The following BRCA1 variants were observed in gnomAD, a reference collection of about 807,000 sequenced individuals.
The protein encoded by BRCA1 is breast cancer type 1 susceptibility protein.
In BRCA1, 140 loss-of-function variants were observed where a neutral mutation model predicts 173.7. That is an observed-to-expected ratio of 0.81 (90% CI 0.70 to 0.93). The LOEUF (loss-of-function observed/expected upper bound fraction) is 0.93. Ranked by LOEUF, BRCA1 falls within the 40% of genes least tolerant of loss-of-function variation. BRCA1 has a pLI of 0.00. For synonymous variants in BRCA1, 662 were observed against 756.0 expected (o/e 0.88, Z 2.04); for missense variants, 1,983 against 2,172.5 (o/e 0.91, Z 1.73).
intron 1 of BRCA1, chr17:43,162,681 G>A (rs1298255357): frequency 6.6e-6 from 1 of 152,216 alleles, no homozygotes; most frequent in African/African-American, 2.4e-5. Context: ...AGGAAGGTCA[G>A]TTGAAGTCCT....
chr17:43,141,610 C>G (rs561498661), intron 1 of BRCA1, among the ~76,000 whole-genome samples: 2 of 151,592 alleles, frequency 1.3e-5, no homozygotes, highest in Non-Finnish European at 2.9e-5. Context: ...GTCAGGAGAT[C>G]GAGACCATCT....
intron 11 of BRCA1, among the ~76,000 whole-genome samples, chr17:43,085,144 C>T (rs2053177619): frequency 6.6e-6 from 1 of 152,164 alleles, no homozygotes; most frequent in South Asian, 2.1e-4. Context: ...GCTCTGATCT[C>T]TACTTTTAAT....
intron 1 of BRCA1, chr17:43,167,399 C>A (rs1037116964): frequency 1.3e-5 from 2 of 152,076 alleles, no homozygotes; most frequent in African/African-American, 4.8e-5. Context: ...AGGGGGTGCA[C>A]GTGAGAGGGT....
chr17:43,067,834 GA>G, intron 15 of BRCA1, 139 bp from the exon 16 acceptor site: 1 of 273,624 alleles, frequency 3.7e-6, no homozygotes, highest in Non-Finnish European at 6.0e-6. Flanking sequence ...TATTTAAAGT[GA>G]ATTTTTTTTT....
At chr17:43,158,567 C>CAATA (rs771326979) in intron 1 of BRCA1, among the ~76,000 whole-genome samples, 1 of 152,028 alleles carries the variant, frequency 6.6e-6, no homozygotes, top group Non-Finnish European at 1.5e-5. Flanking sequence ...GGGTAAGAGG[C>CAATA]AATAGGTATA....
chr17:43,143,871 C>T (rs1330920980), intron 1 of BRCA1, among the ~76,000 whole-genome samples: 4 of 152,058 alleles, frequency 2.6e-5, no homozygotes, highest in Non-Finnish European at 5.9e-5. Flanking sequence ...GACCCTATCC[C>T]TCCAGCACCT....
rs778668550 is a variant in BRCA1 at position 43,094,182 on chromosome 17, T to C, written c.1349A>G (p.Lys450Arg). Residue 450 changes from lysine to arginine, a missense_variant, in exon 10 of 23, where the codon AAA (lysine) becomes AGA (arginine). Physicochemically the swap from Lys to Arg is conservative, Grantham distance 26. Transcript: ENST00000357654. Reference protein sequence around the residue: ...LICKSERVHSKSVESNIEDKI... With the variant: ...LICKSERVHSRSVESNIEDKI... ...GTCTTCAATATTACTCTCTACTGAT[T>C]TGGAGTGAACTCTTTCACTTTTACA... 4 of 1,614,092 alleles carry C rather than the reference T, an allele frequency of 2.5e-6. No homozygotes were observed. Among genetic ancestry groups the C allele is most frequent in the Non-Finnish European group, 3.4e-6 (4 of 1,180,010 alleles).
chr17:43,086,552 T>C (rs1178786194), intron 11 of BRCA1, among the ~76,000 whole-genome samples: 1 of 152,176 alleles, frequency 6.6e-6, no homozygotes, highest in Admixed American at 6.5e-5. Flanking sequence ...CGGTTTTGGG[T>C]AGATGCTTAG....
intron 15 of BRCA1, among the ~76,000 whole-genome samples, chr17:43,069,662 A>G (rs978593780): frequency 6.6e-6 from 1 of 152,206 alleles, no homozygotes; most frequent in African/African-American, 2.4e-5. Flanking sequence ...ATTTATAGCC[A>G]TCACTGTGCA....
intron 1 of BRCA1, among the ~76,000 whole-genome samples, chr17:43,151,764 C>T (rs1467631601): frequency 5.9e-5 from 9 of 152,178 alleles, no homozygotes. Flanking sequence ...CACATGGTGG[C>T]ACGCCCCTGT....
At chr17:43,153,745 A>G (rs1464543163) in intron 1 of BRCA1, 1 of 152,242 alleles carries the variant, frequency 6.6e-6, no homozygotes, top group East Asian at 1.9e-4. Context: ...TTATAGGCCT[A>G]ATCAAATTCA....
intron 16 of BRCA1, chr17:43,067,255 GTT>G (rs34267863): frequency 1.3e-3 from 222 of 172,284 alleles, no homozygotes; most frequent in South Asian, 2.5e-3. Context: ...ATTTTTTCAC[GTT>G]TTTTTTTTTT....
At position 43,051,055 on chromosome 17, in the gene BRCA1, G is replaced by A. The variant is rs772616764; in HGVS notation, c.5332+8C>T. 2 of 1,613,448 alleles carry A rather than the reference G, an allele frequency of 1.2e-6. No individual in the cohort carries two copies. The highest frequency in any genetic ancestry group is 2.2e-5 in the South Asian group (2 of 91,066). On this transcript the variant is annotated splice_region_variant and intron_variant, in intron 20 of 22. Coordinates refer to ENST00000357654, the MANE Select transcript of BRCA1 (RefSeq NM_007294.4). ...TGCTGGAACTCTGGGGTTCTCCCAG[G>A]CTCTTACCTGTGGGCATGTTGGTGA...
At position 43,144,983 on chromosome 17, in the gene BRCA1, G is replaced by C. The variant is rs3785547; in HGVS notation, c.-19-20868C>G. 9.3e-6 allele frequency: 6 copies of C among 647,334 alleles called. No homozygotes were observed. The East Asian group carries it at 2.1e-4, about 23-fold the overall frequency. The allele number at this position is 647,334 out of a possible 1,614,324, so 40.1% of individuals were successfully genotyped here. A position where few individuals can be genotyped will look rare whatever the true frequency, so the allele number is the denominator to read the frequency against. ...GCCCAAGAAAAAGGTCAGCTCCACC[G>C]AAGGGGCTGCCATGGAAGAGCCCAA... On this transcript the variant is annotated intron_variant, in intron 1 of 7. Transcript: ENST00000634433.
chr17:43,117,611 C>T (rs1266862921), intron 2 of BRCA1, among the ~76,000 whole-genome samples: 6 of 151,984 alleles, frequency 3.9e-5, no homozygotes, highest in African/African-American at 9.7e-5. Context: ...TGGTGGCATG[C>T]GCCTGTAATC....
chr17:43,074,175 A>G (rs1200670336), intron 14 of BRCA1, among the ~76,000 whole-genome samples, 156 bp downstream of exon 14: 2 of 152,224 alleles, frequency 1.3e-5, no homozygotes, highest in African/African-American at 4.8e-5. Context: ...ACCTTGATTA[A>G]CACTTGAGCT....
chr17:43,135,987 G>A (rs1235692605), intron 1 of BRCA1, among the ~76,000 whole-genome samples: 1 of 152,208 alleles, frequency 6.6e-6, no homozygotes, highest in Non-Finnish European at 1.5e-5. Context: ...CGCAGAGTGA[G>A]CATAAAAGGG....
At chr17:43,065,136 T>C (rs1461203827) in intron 16 of BRCA1, among the ~76,000 whole-genome samples, 1 of 152,226 alleles carries the variant, frequency 6.6e-6, no homozygotes, top group East Asian at 1.9e-4. Context: ...GGCATCTTTT[T>C]ACCTTTCATT....
intron 1 of BRCA1, among the ~76,000 whole-genome samples, chr17:43,136,098 G>A (rs1254730911): frequency 6.6e-6 from 1 of 152,156 alleles, no homozygotes; most frequent in African/African-American, 2.4e-5. Flanking sequence ...TTCAAAACCA[G>A]CCTGGGCAAC....
Sources: allele counts gnomAD v4.1 joint callset (sites outside exome capture counted in the v4.1 genomes callset), GRCh38; gene constraint gnomAD v4.1.1; transcripts MANE v1.5; gene names NCBI Gene and HGNC (gene_info 2026-07-23, HGNC 2026-07-21).